The following CLMN variants were observed in gnomAD, a reference collection of about 807,000 sequenced individuals.
CLMN encodes the protein calmin.
A neutral mutation model predicts 92.7 loss-of-function variants in CLMN; 57 were observed. The observed-to-expected ratio is 0.61, with a 90% CI of 0.50 to 0.77. The LOEUF (loss-of-function observed/expected upper bound fraction) is 0.77, where lower values mean the gene tolerates loss of function less well. Ranked by LOEUF, CLMN falls within the 30% of genes least tolerant of loss-of-function variation. CLMN has a pLI of 0.00. For missense variants in CLMN, 1,158 were observed against 1,237.5 expected (o/e 0.94, Z 0.96); for synonymous variants, 466 against 470.6 (o/e 0.99, Z 0.13).
intron 4 of CLMN, among the ~76,000 whole-genome samples, chr14:95,219,908 T>C (rs138134399): frequency 1.3e-5 from 2 of 152,252 alleles, no homozygotes; most frequent in Non-Finnish European, 2.9e-5. Flanking sequence ...TTTTAGAACA[T>C]TTTCATCCTC....
chr14:95,248,409 C>A (rs1354153056), intron 1 of CLMN, among the ~76,000 whole-genome samples: 1 of 152,168 alleles, frequency 6.6e-6, no homozygotes, highest in Non-Finnish European at 1.5e-5. Flanking sequence ...CTAACCAAGG[C>A]ACAGAGACGT....
chr14:95,299,101 A>C (rs1179255856), intron 1 of CLMN, among the ~76,000 whole-genome samples: 1 of 152,166 alleles, frequency 6.6e-6, no homozygotes, highest in East Asian at 1.9e-4. Flanking sequence ...CAGTGATTGA[A>C]CCAGACAAAA....
intron 4 of CLMN, among the ~76,000 whole-genome samples, chr14:95,217,834 GCAC>G (rs1897401244): frequency 6.6e-6 from 1 of 152,230 alleles, no homozygotes; most frequent in African/African-American, 2.4e-5. Flanking sequence ...ACACCATGGT[GCAC>G]CATCCCAAGA....
rs549677568 is a variant in CLMN at position 95,311,395 on chromosome 14, G to A, written c.82+8316C>T. On this transcript the variant is annotated intron_variant, in intron 1 of 12. Coordinates refer to ENST00000298912, the MANE Select transcript of CLMN (RefSeq NM_024734.4). ...AGGGGTGGGGCGTGCCTCCACCATC[G>A]GAGCCTGGGGTCCTTCCAGTTAGAC... Among the ~76,000 whole-genome samples, 7 of 152,218 alleles carry A rather than the reference G, an allele frequency of 4.6e-5. No homozygotes were observed. In the East Asian group the frequency reaches 5.8e-4, roughly 13 times the overall value.
chr14:95,243,306 G>A (rs1336172262), intron 1 of CLMN, among the ~76,000 whole-genome samples: 1 of 140,202 alleles, frequency 7.1e-6, no homozygotes, highest in Non-Finnish European at 1.5e-5. Context: ...TCAAAGAGCA[G>A]TGGTGGATTG....
chr14:95,226,829 T>C (rs1897726669), intron 2 of CLMN, among the ~76,000 whole-genome samples: 1 of 152,196 alleles, frequency 6.6e-6, no homozygotes, highest in African/African-American at 2.4e-5. Context: ...TCCTCCTGCC[T>C]TGGCCTCCCA....
At chr14:95,287,029 G>A (rs942013055) in intron 1 of CLMN, among the ~76,000 whole-genome samples, 3 of 152,152 alleles carry the variant, frequency 2.0e-5, no homozygotes, top group Non-Finnish European at 1.5e-5. Context: ...TGTCATCCCC[G>A]CAAGGCTACC....
At chr14:95,221,144 G>A (rs183502084) in intron 4 of CLMN, among the ~76,000 whole-genome samples, 207 of 152,256 alleles carry the variant, frequency 1.4e-3, no homozygotes, top group African/African-American at 4.4e-3. Flanking sequence ...AATGAGAGGC[G>A]TGATGAAACG....
chr14:95,309,351 A>G (rs1566925969), intron 1 of CLMN, among the ~76,000 whole-genome samples: 2 of 152,202 alleles, frequency 1.3e-5, no homozygotes, highest in Admixed American at 6.5e-5. Context: ...GCTCTAGGGT[A>G]ACGGCATTTC....
At chr14:95,237,354 C>G (rs779481122) in intron 1 of CLMN, among the ~76,000 whole-genome samples, 2 of 152,206 alleles carry the variant, frequency 1.3e-5, no homozygotes, top group African/African-American at 2.4e-5. Flanking sequence ...GGAGTCAGAG[C>G]TTGGGGCAGC....
intron 1 of CLMN, among the ~76,000 whole-genome samples, chr14:95,249,914 G>A (rs370627211): frequency 1.3e-5 from 2 of 152,190 alleles, no homozygotes; most frequent in East Asian, 1.9e-4. Context: ...TGCACTCAGA[G>A]GTAGCCATGT....
chr14:95,219,341 T>C (rs543230631), intron 4 of CLMN, among the ~76,000 whole-genome samples: 1 of 152,284 alleles, frequency 6.6e-6, no homozygotes, highest in South Asian at 2.1e-4. Context: ...AGGAGGCTGT[T>C]TGAAGGCCCC....
intron 1 of CLMN, among the ~76,000 whole-genome samples, chr14:95,286,521 G>A (rs1390417370): frequency 6.6e-6 from 1 of 152,140 alleles, no homozygotes; most frequent in Non-Finnish European, 1.5e-5. Flanking sequence ...GGTCTTCTTT[G>A]GGGGTGATGA....
chr14:95,202,894 G>A lies in CLMN; in HGVS notation c.2455C>T (p.His819Tyr). The change falls in exon 9 of 13, where the codon CAT (histidine) becomes TAT (tyrosine). Residue 819 changes from histidine to tyrosine, a missense_variant. Physicochemically the swap from His to Tyr is moderately conservative, Grantham distance 83. Coordinates refer to ENST00000298912, the MANE Select transcript of CLMN (RefSeq NM_024734.4). ...GTCTCCCTTTGCTGGTGGTCCTCAT[G>A]GGGGGCCAGTGGAGCGGGTTCTGAG... ...PASEPAPLAP[H>Y]EDHQQRETKE... 3 of 1,578,002 alleles carry A rather than the reference G, an allele frequency of 1.9e-6. No homozygotes were observed. The highest frequency in any genetic ancestry group is 1.7e-6 in the Non-Finnish European group (2 of 1,166,130).
chr14:95,290,145 G>A (rs905481176), intron 1 of CLMN, among the ~76,000 whole-genome samples: 4 of 152,216 alleles, frequency 2.6e-5, no homozygotes, highest in Non-Finnish European at 5.9e-5. Flanking sequence ...GACACCTGCA[G>A]AGCCCTTCAC....
rs1595562562 is a variant in CLMN, at chr14:95,203,279, G to A, written c.2070C>T (p.Pro690=). Residue 690 remains proline (P), a synonymous_variant, in exon 9 of 13, where the codon CCC becomes CCT. Coordinates refer to ENST00000298912, the MANE Select transcript of CLMN (RefSeq NM_024734.4). ...TCTCCAAGCTGACACAGCTGCTTGG[G>A]GGGCTGGAAGATAATTCCTCGCCCA... The part of the protein sequence containing the change: ...QGVGEELSSS[P]PSSCVSLETL... 1 of 1,614,022 alleles carries A rather than the reference G, an allele frequency of 6.2e-7. No individual in the cohort carries two copies.
At chr14:95,311,576 C>A (rs1314555390) in intron 1 of CLMN, among the ~76,000 whole-genome samples, 1 of 152,104 alleles carries the variant, frequency 6.6e-6, no homozygotes, top group Non-Finnish European at 1.5e-5. Flanking sequence ...GGACACTGGA[C>A]CACAATCTCC....
rs1899161030 is a variant in CLMN, at chr14:95,259,408, G to T, written c.83-29275C>A. The stretch of plus-strand genomic sequence containing the variant: ...CCAGAACGGAGAAGGAAATGTGCGT[G>T]GACAAACCTCCGGGTTACCAGAATG... On this transcript the variant is annotated intron_variant, in intron 1 of 12. Coordinates refer to ENST00000298912, the MANE Select transcript of CLMN (RefSeq NM_024734.4). The surrounding 1 kb of genome is among the most constrained non-coding windows in gnomAD (Gnocchi z 4.3). 6.6e-6 allele frequency among the ~76,000 whole-genome samples: 1 copy of T among 152,070 alleles called. No individual in the cohort carries two copies. Among genetic ancestry groups the T allele is most frequent in the African/African-American group, 2.4e-5 (1 of 41,374 alleles).
At chr14:95,316,439 A>G (rs1901775042) in intron 1 of CLMN, among the ~76,000 whole-genome samples, 1 of 152,266 alleles carries the variant, frequency 6.6e-6, no homozygotes, top group South Asian at 2.1e-4. Flanking sequence ...TGAACACTGC[A>G]TCTGCTCAAG....
Sources: gnomAD v4.1 joint callset for allele counts (sites outside exome capture counted in the v4.1 genomes callset) on GRCh38, gnomAD v4.1.1 for gene constraint, Gnocchi (gnomAD v3.1) non-coding constraint, MANE v1.5 for transcripts, NCBI Gene and HGNC (gene_info 2026-07-23, HGNC 2026-07-21) for gene names.